The following ZNF782 variants were observed in gnomAD, a reference collection of about 807,000 sequenced individuals.
ZNF782 encodes the protein zinc finger protein 782.
ZNF782 carries 12 observed loss-of-function variants against 13.0 expected under a neutral mutation model. The ratio of observed to expected loss-of-function variants is 0.92; its 90% CI spans 0.59 to 1.50. The LOEUF (loss-of-function observed/expected upper bound fraction) is 1.50. Ranked by LOEUF, ZNF782 falls within the 40% of genes most tolerant of loss-of-function variation. The probability of loss-of-function intolerance (pLI) is 0.00; values close to 1 mark genes in which losing one functional copy is unlikely to be tolerated. For synonymous variants in ZNF782, 284 were observed against 283.0 expected, an observed-to-expected ratio of 1.00 and a Z score of -0.04; for missense variants, 770 against 822.9, an observed-to-expected ratio of 0.94 and a Z score of 0.79.
upstream of ZNF782, among the ~76,000 whole-genome samples, chr9:96,855,285 A>G (rs1040510395): frequency 6.6e-6 from 1 of 152,190 alleles, no homozygotes; most frequent in Non-Finnish European, 1.5e-5. Flanking sequence ...TTATTGGGGA[A>G]CAGATGGTGT....
the ZNF782 span, among the ~76,000 whole-genome samples, chr9:96,933,126 C>T: frequency 1.3e-5 from 2 of 150,934 alleles, no homozygotes; most frequent in Admixed American, 1.3e-4. Context: ...TACAGGTGCC[C>T]GCCACCATGC....
chr9:96,886,418 C>T, the ZNF782 span, among the ~76,000 whole-genome samples: 1 of 152,246 alleles, frequency 6.6e-6, no homozygotes, highest in East Asian at 1.9e-4. Flanking sequence ...AAAAACTCTA[C>T]ACCTAATATG....
chr9:96,932,501 A>C, the ZNF782 span: 42 of 1,195,888 alleles, frequency 3.5e-5, no homozygotes, highest in Non-Finnish European at 5.1e-5. Context: ...CACACTGTTC[A>C]GGGGAGCTTG....
the ZNF782 span, chr9:96,932,556 T>C: frequency 7.5e-7 from 1 of 1,329,096 alleles, no homozygotes; most frequent in Non-Finnish European, 1.1e-6. Context: ...GGAAGGTACA[T>C]TTTCAGCAAC....
intron 1 of ZNF782, among the ~76,000 whole-genome samples, chr9:96,874,896 G>C (rs1342258340): frequency 6.6e-6 from 1 of 152,198 alleles, no homozygotes. Context: ...TAGACAGCTT[G>C]GTAGTGCCAG....
the ZNF782 span, among the ~76,000 whole-genome samples, chr9:96,921,919 C>T: frequency 6.6e-6 from 1 of 151,108 alleles, no homozygotes; most frequent in Non-Finnish European, 1.5e-5. Flanking sequence ...GTCTCAAACT[C>T]CTGACCTCAT....
At chr9:96,827,572 T>C (rs1420305542) in intron 4 of ZNF782, among the ~76,000 whole-genome samples, 1 of 152,156 alleles carries the variant, frequency 6.6e-6, no homozygotes, top group African/African-American at 2.4e-5. Context: ...CCTCCCAAAG[T>C]ACGGTGGCAT....
intron 4 of ZNF782, among the ~76,000 whole-genome samples, chr9:96,834,102 C>A (rs1490892495): frequency 6.6e-6 from 1 of 152,140 alleles, no homozygotes; most frequent in East Asian, 1.9e-4. Flanking sequence ...AAGATTAATG[C>A]CCTCTGACAT....
In ZNF782 at chr9:96,864,040, A is replaced by AAT. The variant is rs766987031; in HGVS notation, c.-456-2439_-456-2438dup. On this transcript the variant is annotated intron_variant, in intron 1 of 5. Coordinates refer to the ZNF782 transcript ENST00000498811. ...AATTAAAAACCATTATTGGTAAACAAATATATATATATGCATATGTACATA... is the reference window on the plus strand; with the variant it reads ...AATTAAAAACCATTATTGGTAAACAAATATATATATATATGCATATGTACATA... Among the ~76,000 whole-genome samples, 74 of 150,778 alleles carry AAT rather than the reference A, an allele frequency of 4.9e-4. No individual in the cohort carries two copies. The East Asian group carries it at 0.012, about 24-fold the overall frequency.
chr9:96,916,660 T>C, the ZNF782 span, among the ~76,000 whole-genome samples: 6 of 152,014 alleles, frequency 3.9e-5, no homozygotes, highest in Non-Finnish European at 8.8e-5. Flanking sequence ...CTCCTATAGC[T>C]AGATGCCTGC....
chr9:96,857,073 A>T (rs757210665), upstream of ZNF782, among the ~76,000 whole-genome samples: 32 of 152,146 alleles, frequency 2.1e-4, no homozygotes, highest in Non-Finnish European at 5.9e-5. Context: ...AAAGATTAAC[A>T]TTTGCTCACT....
upstream of ZNF782, among the ~76,000 whole-genome samples, chr9:96,855,851 G>A (rs1588173039): frequency 6.6e-6 from 1 of 152,202 alleles, no homozygotes; most frequent in East Asian, 1.9e-4. Context: ...CATTGTGGTT[G>A]TACTAGTTTA....
Position 96,851,956 on chromosome 9 carries a change from G to A in ZNF782, c.6C>T (p.Asn2=). The stretch of plus-strand genomic sequence containing the variant: ...TGAATAAAAAGCTTACCTGAAATGT[G>A]TTCATTTTCTGTGGCTCTTGGGAGA... M[N]TFQASVSFQD... is the part of the protein sequence containing the mutation. Residue 2 remains asparagine (N), a synonymous_variant, in exon 3 of 6, where the codon AAC becomes AAT. Transcript: ENST00000481138. 6.2e-7 allele frequency: 1 copy of A among 1,614,000 alleles called. No homozygotes were observed. Among genetic ancestry groups the A allele is most frequent in the Non-Finnish European group, 8.5e-7 (1 of 1,179,890 alleles).
At chr9:96,933,575 T>C in the ZNF782 span, 4 of 152,264 alleles carry the variant, frequency 2.6e-5, no homozygotes, top group East Asian at 3.9e-4. Context: ...GGTTTCACTA[T>C]GTTAAGCAGG....
Position 96,861,659 on chromosome 9 carries a change from T to A in ZNF782, c.-456-56A>T, listed in dbSNP as rs1387218754. On this transcript the variant is annotated intron_variant, in intron 1 of 5. Transcript: ENST00000498811. ...GGGAAATAGGTATATGAAAAGATAC[T>A]CAACATCAACATCATTGATTGTCAG... The A allele has an allele frequency of 1.9e-5, 3 of 154,142 alleles. No homozygotes were observed. In the East Asian group the frequency reaches 5.8e-4, roughly 30 times the overall value. 9.5% of individuals were successfully genotyped at this position (154,142 alleles called of 1,614,324 possible).
At chr9:96,911,334 C>G in the ZNF782 span, among the ~76,000 whole-genome samples, 8 of 136,458 alleles carry the variant, frequency 5.9e-5, no homozygotes, top group East Asian at 2.6e-4. Context: ...AGCTACTCGG[C>G]AGGCTGAGGC....
the ZNF782 span, among the ~76,000 whole-genome samples, chr9:96,920,498 C>T: frequency 1.4e-5 from 2 of 148,042 alleles, no homozygotes; most frequent in African/African-American, 4.9e-5. Flanking sequence ...GATCTCCTGA[C>T]CTCATGATCC....
upstream of ZNF782, among the ~76,000 whole-genome samples, chr9:96,855,617 C>T (rs934152057): frequency 6.6e-6 from 1 of 152,180 alleles, no homozygotes; most frequent in Non-Finnish European, 1.5e-5. Context: ...AGTAGTATAT[C>T]ATCAGATACA....
chr9:96,867,799 C>T (rs1485649333), intron 1 of ZNF782, among the ~76,000 whole-genome samples: 1 of 152,186 alleles, frequency 6.6e-6, no homozygotes, highest in Non-Finnish European at 1.5e-5. Flanking sequence ...AGGCTGTCAC[C>T]TTTCTGCTTG....
Sources: gnomAD v4.1 joint callset for allele counts (sites outside exome capture counted in the v4.1 genomes callset) on GRCh38, gnomAD v4.1.1 for gene constraint, MANE v1.5 for transcripts, NCBI Gene and HGNC (gene_info 2026-07-23, HGNC 2026-07-21) for gene names.